Variants in ANKS1B observed in about 807,000 individuals in gnomAD.
The protein encoded by ANKS1B is ankyrin repeat and sterile alpha motif domain containing 1B, also known as ankyrin repeat and sterile alpha motif domain-containing protein 1B.
ANKS1B carries 36 observed loss-of-function variants against 148.3 expected under a neutral mutation model. The observed-to-expected ratio is 0.24, with a 90% CI of 0.19 to 0.32. The LOEUF is 0.32. ANKS1B is among the 10% of genes least tolerant of loss of function. The probability of loss-of-function intolerance (pLI) is 1.00; values close to 1 mark genes in which losing one functional copy is unlikely to be tolerated. For synonymous variants in ANKS1B, 542 were observed against 560.8 expected (o/e 0.97, Z 0.47); for missense variants, 1,157 against 1,542.6 (o/e 0.75, Z 4.19).
chr12:99,974,043 A>G (rs1232538750), intron 1 of ANKS1B, among the ~76,000 whole-genome samples: 1 of 152,214 alleles, frequency 6.6e-6, no homozygotes, highest in Non-Finnish European at 1.5e-5. Flanking sequence ...GGAACAGTCA[A>G]CTAATGTGAA....
chr12:99,668,778 A>C (rs2098522257), intron 8 of ANKS1B, among the ~76,000 whole-genome samples: 1 of 151,778 alleles, frequency 6.6e-6, no homozygotes, highest in Non-Finnish European at 1.5e-5. Flanking sequence ...CTCCAATTAC[A>C]CATATGTTTC....
intron 22 of ANKS1B, among the ~76,000 whole-genome samples, chr12:98,788,576 G>A (rs1050050121): frequency 6.6e-6 from 1 of 152,228 alleles, no homozygotes; most frequent in African/African-American, 2.4e-5. Context: ...TGGGCAAGCA[G>A]CCATTGAAAC....
chr12:98,901,254 G>A (rs1241530577), intron 17 of ANKS1B, among the ~76,000 whole-genome samples: 1 of 152,208 alleles, frequency 6.6e-6, no homozygotes, highest in Non-Finnish European at 1.5e-5. Context: ...TGGAGCTGAG[G>A]ACAGAGATGG....
At chr12:99,679,845 T>G (rs2098604010) in intron 8 of ANKS1B, among the ~76,000 whole-genome samples, 1 of 152,134 alleles carries the variant, frequency 6.6e-6, no homozygotes, top group Admixed American at 6.6e-5. Context: ...AGGACTAACT[T>G]GCAGCACCCA....
chr12:99,251,567 T>A (rs1428425482), intron 12 of ANKS1B, among the ~76,000 whole-genome samples: 2 of 152,196 alleles, frequency 1.3e-5, no homozygotes, highest in Admixed American at 6.5e-5. Context: ...TGAATTCCAA[T>A]CTGATAGTTA....
chr12:99,648,059 C>A (rs1289777904), intron 9 of ANKS1B: 5 of 1,414,940 alleles, frequency 3.5e-6, no homozygotes, highest in Non-Finnish European at 4.7e-6. Flanking sequence ...AGAAAGCCTG[C>A]AGAACACGAC....
chr12:99,866,920 T>A (rs961351612), intron 1 of ANKS1B, among the ~76,000 whole-genome samples: 4 of 152,148 alleles, frequency 2.6e-5, no homozygotes, highest in African/African-American at 9.7e-5. Flanking sequence ...GTTTTATGTG[T>A]TTTCTGTCAT....
intron 10 of ANKS1B, among the ~76,000 whole-genome samples, chr12:99,498,179 G>A (rs755784208): frequency 4.6e-5 from 7 of 152,010 alleles, no homozygotes; most frequent in African/African-American, 7.3e-5. Context: ...GAATCTTCCC[G>A]CTTTCAACTT....
chr12:98,777,675 T>C (rs1035091062), intron 24 of ANKS1B, among the ~76,000 whole-genome samples: 1 of 152,280 alleles, frequency 6.6e-6, no homozygotes, highest in African/African-American at 2.4e-5. Context: ...GATCGCTTTC[T>C]GCTTCCTCCT....
At chr12:99,529,876 T>C (rs975452906) in intron 9 of ANKS1B, among the ~76,000 whole-genome samples, 1 of 152,204 alleles carries the variant, frequency 6.6e-6, no homozygotes, top group African/African-American at 2.4e-5. Context: ...AACATTTTTT[T>C]CGAAGTAAAA....
intron 14 of ANKS1B, among the ~76,000 whole-genome samples, chr12:99,184,437 A>G (rs1457056064): frequency 6.6e-6 from 1 of 152,174 alleles, no homozygotes; most frequent in Non-Finnish European, 1.5e-5. Context: ...TAAAGAAAAG[A>G]CTTAGGGCTA....
chr12:99,271,065 T>C (rs2076986738), intron 12 of ANKS1B, among the ~76,000 whole-genome samples: 2 of 152,216 alleles, frequency 1.3e-5, no homozygotes, highest in South Asian at 4.1e-4. Flanking sequence ...CTCTTCAGTT[T>C]CACAGAGTCC....
chr12:99,059,712 G>A (rs758563076), intron 16 of ANKS1B, among the ~76,000 whole-genome samples: 3 of 145,552 alleles, frequency 2.1e-5, no homozygotes, highest in Non-Finnish European at 3.0e-5. Context: ...TCCATGACTC[G>A]TAAATTAATT....
chr12:98,853,312 AGGGACTT>A (rs1436576026), intron 17 of ANKS1B, among the ~76,000 whole-genome samples: 1 of 152,232 alleles, frequency 6.6e-6, no homozygotes, highest in African/African-American at 2.4e-5. Context: ...GAGTTCCATC[AGGGACTT>A]GGTAGAGTGG....
At chr12:99,264,627 C>T (rs1450056222) in intron 12 of ANKS1B, among the ~76,000 whole-genome samples, 2 of 152,016 alleles carry the variant, frequency 1.3e-5, no homozygotes, top group Admixed American at 6.6e-5. Context: ...TCAAAGGATG[C>T]CACTGTTTTC....
intron 25 of ANKS1B, among the ~76,000 whole-genome samples, chr12:98,761,413 T>A (rs143716486): frequency 1.3e-5 from 2 of 152,354 alleles, no homozygotes; most frequent in African/African-American, 4.8e-5. Context: ...CAAAGAAATA[T>A]GCAGCATAAA....
intron 16 of ANKS1B, among the ~76,000 whole-genome samples, chr12:99,071,525 C>A (rs1410037101): frequency 6.6e-6 from 1 of 152,196 alleles, no homozygotes; most frequent in Non-Finnish European, 1.5e-5. Context: ...TCTGACTGCT[C>A]AGCTTCTCAG....
chr12:99,384,429 C>T (rs1013017693), intron 12 of ANKS1B, among the ~76,000 whole-genome samples: 15 of 152,264 alleles, frequency 9.9e-5, no homozygotes, highest in Non-Finnish European at 1.9e-4. Context: ...CAGCCTACCA[C>T]GTGCAAAGCT....
rs869145338 is a variant in ANKS1B at position 98,948,947 on chromosome 12, CTTTTTTT to C, written c.2778+104203_2778+104209del. ...AGGGGTGAGATATGAGCATGAGCTA[CTTTTTTT>C]TTTTTTTTTTTTTTTTGAGATGGAG... On this transcript the variant is annotated intron_variant, in intron 17 of 26. Coordinates refer to ENST00000683438, the MANE Select transcript of ANKS1B (RefSeq NM_001352186.2). Among the ~76,000 whole-genome samples, 19 of 84,864 alleles carry C rather than the reference CTTTTTTT, an allele frequency of 2.2e-4. 1 individual carries two copies. Among genetic ancestry groups the C allele is most frequent in the African/African-American group, 1.2e-3 (18 of 14,738 alleles). 55.7% of individuals were successfully genotyped at this position (84,864 alleles called of 152,430 possible). A position where few individuals can be genotyped will look rare whatever the true frequency, so the allele number is the denominator to read the frequency against.
Sources: allele counts gnomAD v4.1 joint callset (sites outside exome capture counted in the v4.1 genomes callset), GRCh38; gene constraint gnomAD v4.1.1; transcripts MANE v1.5; gene names NCBI Gene and HGNC (gene_info 2026-07-23, HGNC 2026-07-21).